Variants in FSTL4 observed in about 807,000 individuals in gnomAD.
FSTL4 encodes follistatin like 4.
In FSTL4, 28 loss-of-function variants were observed where a neutral mutation model predicts 78.2. That is an observed-to-expected ratio of 0.36 (90% CI 0.27 to 0.49). The LOEUF is 0.49. Among genes scored for constraint, FSTL4 ranks in the 20% least tolerant of loss-of-function variants. The pLI is 0.98. For missense variants in FSTL4, 922 were observed against 1,084.9 expected (o/e 0.85, Z 2.11); for synonymous variants, 422 against 440.5 (o/e 0.96, Z 0.53).
rs547684197 is a variant in FSTL4, at chr5:133,363,654, T to C, written c.409+37084A>G. ...CGTGGGAGGCCAACAAGGCTGCTCCTGAACCTCCAGCCAGTGTACTTGGCA... is the reference window on the plus strand; with the variant it reads ...CGTGGGAGGCCAACAAGGCTGCTCCCGAACCTCCAGCCAGTGTACTTGGCA... On this transcript the variant is annotated intron_variant, in intron 4 of 15. Coordinates refer to ENST00000265342, the MANE Select transcript of FSTL4 (RefSeq NM_015082.2). Among the ~76,000 whole-genome samples the C allele has an allele frequency of 4.6e-5, 7 of 152,292 alleles. No homozygotes were observed. In the South Asian group the frequency reaches 1.4e-3, roughly 32 times the overall value.
rs142568414 is a variant in FSTL4 at position 133,505,533 on chromosome 5, A to C, written c.160+61653T>G. On this transcript the variant is annotated intron_variant, in intron 3 of 15. Coordinates refer to ENST00000265342, the MANE Select transcript of FSTL4 (RefSeq NM_015082.2). ...CCCAGAAGACAAACAGTAAGAGAAGAAAAGCCCATCCTTACAAGTCCTTCT... is the reference window on the plus strand; with the variant it reads ...CCCAGAAGACAAACAGTAAGAGAAGCAAAGCCCATCCTTACAAGTCCTTCT... 2.5e-3 allele frequency among the ~76,000 whole-genome samples: 381 copies of C among 152,390 alleles called. 3 individuals carry two copies. The highest frequency in any genetic ancestry group is 8.0e-3 in the African/African-American group (333 of 41,598).
chr5:133,801,697 C>T, the FSTL4 span, among the ~76,000 whole-genome samples: 1 of 152,250 alleles, frequency 6.6e-6, no homozygotes, highest in East Asian at 1.9e-4. Flanking sequence ...AGGGGAACCC[C>T]TTCCTCCCCT....
chr5:133,655,626 C>A, the FSTL4 span, among the ~76,000 whole-genome samples: 2 of 152,048 alleles, frequency 1.3e-5, no homozygotes, highest in Non-Finnish European at 2.9e-5. Context: ...TTCATGGACC[C>A]AGAGGCCCAT....
At chr5:133,343,323 C>T (rs1275416628) in intron 4 of FSTL4, among the ~76,000 whole-genome samples, 1 of 152,184 alleles carries the variant, frequency 6.6e-6, no homozygotes, top group African/African-American at 2.4e-5. Flanking sequence ...GCAGACATAC[C>T]TTGGCTGGGC....
intron 3 of FSTL4, among the ~76,000 whole-genome samples, chr5:133,438,060 T>C (rs1757073332): frequency 6.6e-6 from 1 of 152,216 alleles, no homozygotes; most frequent in African/African-American, 2.4e-5. Flanking sequence ...TCATGGCTCA[T>C]TCTTTTATGA....
chr5:133,579,370 CT>C (rs1233499574), intron 2 of FSTL4, among the ~76,000 whole-genome samples: 1 of 152,180 alleles, frequency 6.6e-6, no homozygotes, highest in Non-Finnish European at 1.5e-5. Flanking sequence ...TCTATTTTTC[CT>C]TTTGTAGGTA....
intron 6 of FSTL4, among the ~76,000 whole-genome samples, chr5:133,261,220 C>T (rs1287686110): frequency 6.6e-6 from 1 of 152,130 alleles, no homozygotes; most frequent in African/African-American, 2.4e-5. Flanking sequence ...TCCATGGTTC[C>T]CGAATGTCAC....
chr5:133,337,004 G>A (rs997675719), intron 4 of FSTL4, among the ~76,000 whole-genome samples: 4 of 152,158 alleles, frequency 2.6e-5, no homozygotes, highest in African/African-American at 9.7e-5. Context: ...TGAATGATTT[G>A]CCCTATCACA....
At chr5:133,416,369 T>C (rs181416409) in intron 3 of FSTL4, among the ~76,000 whole-genome samples, 148 of 152,326 alleles carry the variant, frequency 9.7e-4, no homozygotes, top group African/African-American at 2.9e-3. Context: ...TTTTAACTTG[T>C]AAATATAGAA....
chr5:133,524,562 A>C (rs1759050695), intron 3 of FSTL4, among the ~76,000 whole-genome samples: 1 of 152,204 alleles, frequency 6.6e-6, no homozygotes. Flanking sequence ...CGCGCAGAGA[A>C]GCCTGCTGTA....
At chr5:133,736,399 C>T in the FSTL4 span, among the ~76,000 whole-genome samples, 1 of 152,146 alleles carries the variant, frequency 6.6e-6, no homozygotes, top group East Asian at 1.9e-4. Flanking sequence ...GCTGCAATTC[C>T]CCTAACTTTT....
the FSTL4 span, among the ~76,000 whole-genome samples, chr5:133,673,160 C>A: frequency 1.3e-5 from 2 of 152,206 alleles, no homozygotes; most frequent in Middle Eastern, 3.2e-3. Context: ...AAAGGAGTGA[C>A]TTTGAATAGA....
intron 6 of FSTL4, among the ~76,000 whole-genome samples, chr5:133,283,814 T>G (rs925932045): frequency 5.9e-5 from 9 of 152,234 alleles, no homozygotes; most frequent in African/African-American, 2.2e-4. Flanking sequence ...AGAGATTTAG[T>G]TGATTCACAG....
chr5:133,543,476 G>C (rs565077225), intron 3 of FSTL4, among the ~76,000 whole-genome samples: 1 of 151,892 alleles, frequency 6.6e-6, no homozygotes, highest in Non-Finnish European at 1.5e-5. Flanking sequence ...GATCTTACTC[G>C]GTAAATACAT....
chr5:133,603,803 T>C (rs2112979712), intron 2 of FSTL4, 55 bp downstream of exon 2: 3 of 1,577,410 alleles, frequency 1.9e-6, no homozygotes, highest in Middle Eastern at 1.7e-4. Flanking sequence ...TCAGATACTG[T>C]AACATCGGAA....
At chr5:133,655,708 G>GA in the FSTL4 span, among the ~76,000 whole-genome samples, 9 of 151,738 alleles carry the variant, frequency 5.9e-5, no homozygotes, top group South Asian at 4.2e-4. Context: ...TTTTCAGTGG[G>GA]AAAAAAAAGA....
intron 3 of FSTL4, among the ~76,000 whole-genome samples, chr5:133,491,557 G>T (rs575490637): frequency 1.3e-5 from 2 of 151,140 alleles, no homozygotes; most frequent in African/African-American, 4.9e-5. Context: ...CCGCCACCAC[G>T]CCTGGCTAAT....
chr5:133,752,908 C>T, the FSTL4 span, among the ~76,000 whole-genome samples: 1 of 151,982 alleles, frequency 6.6e-6, no homozygotes, highest in South Asian at 2.1e-4. Flanking sequence ...CGCTCTGAGC[C>T]CCACACTTTC....
chr5:133,628,516 C>T, the FSTL4 span, among the ~76,000 whole-genome samples: 3 of 152,046 alleles, frequency 2.0e-5, no homozygotes, highest in Admixed American at 6.6e-5. Flanking sequence ...TGCACCACCA[C>T]ACTTGGCTAA....
Sources: allele counts gnomAD v4.1 joint callset (sites outside exome capture counted in the v4.1 genomes callset), GRCh38; gene constraint gnomAD v4.1.1; transcripts MANE v1.5; gene names NCBI Gene and HGNC (gene_info 2026-07-23, HGNC 2026-07-21).